PTPRT: variants seen among roughly 807,000 people sequenced by gnomAD.
The protein encoded by PTPRT is protein tyrosine phosphatase receptor type T, also known as receptor-type tyrosine-protein phosphatase T.
Under a neutral mutation model 176.8 loss-of-function variants are expected in PTPRT, and 56 were observed. The ratio of observed to expected loss-of-function variants is 0.32; its 90% CI spans 0.26 to 0.40. The LOEUF is 0.40. Ranked by LOEUF, PTPRT falls within the 10% of genes least tolerant of loss-of-function variation. The pLI, the probability that PTPRT is intolerant of heterozygous loss-of-function variation, is 1.00. For missense variants in PTPRT, 1,540 were observed against 1,908.2 expected, an observed-to-expected ratio of 0.81 and a Z score of 3.60; for synonymous variants, 783 against 739.0, an observed-to-expected ratio of 1.06 and a Z score of -0.96.
intron 7 of PTPRT, among the ~76,000 whole-genome samples, chr20:42,595,003 T>C (rs1471815104): frequency 6.6e-6 from 1 of 152,146 alleles, no homozygotes; most frequent in African/African-American, 2.4e-5. Context: ...CTTTTTAATA[T>C]GTCTCCTGTT....
At chr20:42,544,324 T>A (rs925793817) in intron 7 of PTPRT, among the ~76,000 whole-genome samples, 1 of 152,216 alleles carries the variant, frequency 6.6e-6, no homozygotes, top group African/African-American at 2.4e-5. Flanking sequence ...TACACTTCTG[T>A]TATGAAGAAA....
intron 2 of PTPRT, among the ~76,000 whole-genome samples, chr20:42,824,936 T>C (rs1569177424): frequency 1.3e-5 from 2 of 152,006 alleles, no homozygotes; most frequent in Non-Finnish European, 2.9e-5. Flanking sequence ...ATAAAAATGT[T>C]TATGAACAGA....
intron 16 of PTPRT, among the ~76,000 whole-genome samples, chr20:42,186,909 T>C (rs1055295794): frequency 5.3e-5 from 8 of 152,064 alleles, no homozygotes; most frequent in African/African-American, 9.7e-5. Context: ...TTGAACTCGA[T>C]GTGGGAGGTG....
At chr20:42,620,550 C>A (rs13038645) in intron 7 of PTPRT, among the ~76,000 whole-genome samples, 55,060 of 145,346 alleles carry the variant, frequency 0.38, 12,514 homozygotes, top group African/African-American at 0.62. Context: ...CTCGTTGTCG[C>A]CTTGCAGTTT....
chr20:42,986,167 C>G (rs79299147), intron 1 of PTPRT, among the ~76,000 whole-genome samples: 22 of 152,200 alleles, frequency 1.4e-4, no homozygotes, highest in Admixed American at 5.9e-4. Context: ...ACTATGCCAA[C>G]GAATATGTCA....
intron 6 of PTPRT, among the ~76,000 whole-genome samples, chr20:42,741,855 T>G (rs2076616192): frequency 6.6e-6 from 1 of 151,952 alleles, no homozygotes; most frequent in Non-Finnish European, 1.5e-5. Context: ...GGTTAAGACC[T>G]GGGAGGAGGG....
At chr20:42,805,658 A>G (rs1458729294) in intron 2 of PTPRT, among the ~76,000 whole-genome samples, 4 of 152,192 alleles carry the variant, frequency 2.6e-5, no homozygotes, top group Non-Finnish European at 5.9e-5. Flanking sequence ...TTTTCATGCC[A>G]TGATTACCCC....
intron 6 of PTPRT, among the ~76,000 whole-genome samples, chr20:42,754,357 T>C (rs990265331): frequency 2.0e-5 from 3 of 152,130 alleles, no homozygotes; most frequent in Admixed American, 6.5e-5. Flanking sequence ...AGCTATTTTT[T>C]GTATTTTTAG....
intron 5 of PTPRT, among the ~76,000 whole-genome samples, chr20:42,769,977 A>C (rs1352813050): frequency 6.6e-6 from 1 of 152,226 alleles, no homozygotes; most frequent in Non-Finnish European, 1.5e-5. Flanking sequence ...AGTCAGAAGG[A>C]AGTGATTACA....
At chr20:42,838,977 C>CAGGA (rs2078229905) in intron 2 of PTPRT, among the ~76,000 whole-genome samples, 1 of 152,094 alleles carries the variant, frequency 6.6e-6, no homozygotes, top group Non-Finnish European at 1.5e-5. Context: ...GGAAACAGGA[C>CAGGA]TCATGTATCT....
chr20:42,792,583 T>C (rs2077393281), intron 2 of PTPRT, among the ~76,000 whole-genome samples: 1 of 152,214 alleles, frequency 6.6e-6, no homozygotes, highest in African/African-American at 2.4e-5. Flanking sequence ...TATGATTCTA[T>C]GAAATAAACT....
chr20:42,989,816 G>A (rs1355403804), intron 1 of PTPRT, among the ~76,000 whole-genome samples: 1 of 152,188 alleles, frequency 6.6e-6, no homozygotes, highest in Non-Finnish European at 1.5e-5. Context: ...CTGGAATTTT[G>A]AGATGTAAAC....
At chr20:42,394,621 T>A (rs1051390185) in intron 9 of PTPRT, among the ~76,000 whole-genome samples, 6 of 152,232 alleles carry the variant, frequency 3.9e-5, no homozygotes, top group African/African-American at 1.4e-4. Flanking sequence ...GATACCTTGT[T>A]ATATGATGTG....
intron 27 of PTPRT, among the ~76,000 whole-genome samples, chr20:42,093,557 T>C (rs6102673): frequency 0.03 from 4,614 of 152,302 alleles, 238 homozygotes; most frequent in African/African-American, 0.11. Context: ...AATAAGGCCC[T>C]GTGAGAGCTT....
At chr20:43,135,509 G>T (rs1281110745) in intron 1 of PTPRT, among the ~76,000 whole-genome samples, 5 of 152,204 alleles carry the variant, frequency 3.3e-5, no homozygotes, top group African/African-American at 9.6e-5. Flanking sequence ...GGTTAGAATT[G>T]TGGGTAATAA....
chr20:42,649,717 T>C (rs1478381770), intron 7 of PTPRT, among the ~76,000 whole-genome samples: 1 of 152,168 alleles, frequency 6.6e-6, no homozygotes, highest in Non-Finnish European at 1.5e-5. Flanking sequence ...CTGCAAAAAG[T>C]GTTTGCTGGT....
intron 1 of PTPRT, among the ~76,000 whole-genome samples, chr20:43,025,260 T>G (rs1185715732): frequency 6.6e-6 from 1 of 152,224 alleles, no homozygotes; most frequent in East Asian, 1.9e-4. Context: ...CAGCTGTGTA[T>G]GCACAAACAC....
intron 9 of PTPRT, among the ~76,000 whole-genome samples, chr20:42,431,440 T>C (rs957002095): frequency 6.6e-6 from 1 of 152,244 alleles, no homozygotes; most frequent in Non-Finnish European, 1.5e-5. Context: ...TTAAAAAAGA[T>C]GAACTATTTC....
chr20:42,443,410 G>A (rs1427113180), intron 9 of PTPRT, among the ~76,000 whole-genome samples: 1 of 152,232 alleles, frequency 6.6e-6, no homozygotes, highest in Non-Finnish European at 1.5e-5. Context: ...TGGACACAAG[G>A]CCGTTGGTGC....
Sources: allele counts gnomAD v4.1 joint callset (sites outside exome capture counted in the v4.1 genomes callset), GRCh38; gene constraint gnomAD v4.1.1; transcripts MANE v1.5; gene names NCBI Gene and HGNC (gene_info 2026-07-23, HGNC 2026-07-21).